Variants in GON4L observed in about 807,000 individuals in gnomAD.
GON4L encodes gon-4 like, also known as GON-4-like protein.
GON4L carries 87 observed loss-of-function variants against 211.8 expected under a neutral mutation model. The observed-to-expected ratio is 0.41, with a 90% CI of 0.35 to 0.49. The LOEUF is 0.49. Ranked by LOEUF, GON4L falls within the 20% of genes least tolerant of loss-of-function variation. GON4L has a pLI of 0.15. For synonymous variants in GON4L, 875 were observed against 962.6 expected (o/e 0.91, Z 1.68); for missense variants, 2,155 against 2,659.5 (o/e 0.81, Z 4.17).
At chr1:155,816,771 C>CT (rs760816704) in intron 6 of GON4L, among the ~76,000 whole-genome samples, 536 of 17,586 alleles carry the variant, frequency 0.03, 7 homozygotes, top group East Asian at 0.042. Flanking sequence ...TTTTTTTTTT[C>CT]TTAAAAAAAA....
intron 20 of GON4L, 113 bp from the exon 21 acceptor site, chr1:155,766,822 G>T: frequency 6.6e-7 from 1 of 1,515,438 alleles, no homozygotes; most frequent in South Asian, 1.1e-5. Flanking sequence ...GAAGTGGGCA[G>T]ATCACTTGAG....
In GON4L at chr1:155,760,647, C is replaced by A. The variant is rs368736477; in HGVS notation, c.4912-6G>T. On this transcript the variant is annotated splice_region_variant and splice_polypyrimidine_tract_variant and intron_variant, in intron 23 of 31. Transcript: ENST00000368331. ...TGTTGTAGGGCTTCTCGCACCTACA[C>A]GGGAAGACTTTCAATCATCAACACC... 39 of 1,595,416 alleles carry A rather than the reference C, an allele frequency of 2.4e-5. No homozygotes were observed. Among genetic ancestry groups the A allele is most frequent in the Non-Finnish European group, 3.0e-5 (35 of 1,163,212 alleles).
intron 8 of GON4L, among the ~76,000 whole-genome samples, chr1:155,815,555 A>T (rs1668164350): frequency 6.6e-6 from 1 of 152,086 alleles, no homozygotes; most frequent in African/African-American, 2.4e-5. Flanking sequence ...CTTTGCTATG[A>T]GTTTCATGAG....
intron 2 of GON4L, 69 bp downstream of exon 2, chr1:155,853,207 G>A: frequency 8.0e-7 from 1 of 1,245,738 alleles, no homozygotes; most frequent in Non-Finnish European, 1.2e-6. Context: ...ACTCTGTAAA[G>A]GTATCCAGAA....
downstream of GON4L, among the ~76,000 whole-genome samples, chr1:155,745,266 A>G (rs751016890): frequency 6.6e-6 from 1 of 152,254 alleles, no homozygotes; most frequent in Non-Finnish European, 1.5e-5. Flanking sequence ...CTATTTACAT[A>G]AAGTGTTACA....
chr1:155,830,617 C>T (rs996166287), intron 2 of GON4L, among the ~76,000 whole-genome samples: 4 of 151,980 alleles, frequency 2.6e-5, no homozygotes, highest in African/African-American at 9.7e-5. Flanking sequence ...GACAGGGTCT[C>T]GCTCTGTCCC....
At position 155,820,577 on chromosome 1, in the gene GON4L, A is replaced by C. The variant is rs756498593; in HGVS notation, c.1014+29T>G. 6 of 1,547,262 alleles carry C rather than the reference A, an allele frequency of 3.9e-6. No homozygotes were observed. In the African/African-American group the frequency reaches 6.8e-5, roughly 18 times the overall value. The stretch of plus-strand genomic sequence containing the variant: ...GATCCTATTCACCAAGCTAAAAAAA[A>C]ACCAACAACAAAAAAACAGAATACT... On this transcript the variant is annotated intron_variant, in intron 6 of 31. Coordinates refer to ENST00000368331, the MANE Select transcript of GON4L (RefSeq NM_001282860.2).
chr1:155,759,947 T>C (rs549390534), intron 24 of GON4L, among the ~76,000 whole-genome samples: 31 of 145,690 alleles, frequency 2.1e-4, no homozygotes, highest in Admixed American at 4.8e-4. Flanking sequence ...TTTATTTTTA[T>C]AATTTATATT....
At chr1:155,822,553 A>T in intron 3 of GON4L, 77 bp from the exon 4 acceptor site, 1 of 1,036,472 alleles carries the variant, frequency 9.6e-7, no homozygotes, top group Non-Finnish European at 1.5e-6. Context: ...CCAACAGTAA[A>T]GTGGATAAAT....
rs189817490 is a variant in GON4L at position 155,750,351 on chromosome 1, G to A, written c.*233C>T. The A allele has an allele frequency of 7.9e-4, 514 of 654,726 alleles. No homozygotes were observed. Among genetic ancestry groups the A allele is most frequent in the Non-Finnish European group, 1.0e-3 (377 of 375,884 alleles). The allele number at this position is 654,726 out of a possible 1,614,324, so 40.6% of individuals were successfully genotyped here. On this transcript the variant is annotated 3_prime_UTR_variant, in exon 32 of 32. Transcript: ENST00000368331. ...GAGAAAGGAGCTGAACTCCACTCTCGATGCTATTTACAGAGGACATCTGTA... is the reference window on the plus strand; with the variant it reads ...GAGAAAGGAGCTGAACTCCACTCTCAATGCTATTTACAGAGGACATCTGTA...
rs575654678 is a variant in GON4L, at chr1:155,841,233, C to T, written c.505+12043G>A. 2.7e-4 allele frequency among the ~76,000 whole-genome samples: 41 copies of T among 152,214 alleles called. No individual in the cohort carries two copies. In the East Asian group the frequency reaches 6.2e-3, roughly 23 times the overall value. On this transcript the variant is annotated intron_variant, in intron 2 of 31. Transcript: ENST00000368331. ...TATGACTTTTTTGTTTGAAACATTGCTAATTCTTTATGTGTTGTTTTATCT... is the reference window on the plus strand; with the variant it reads ...TATGACTTTTTTGTTTGAAACATTGTTAATTCTTTATGTGTTGTTTTATCT...
intron 27 of GON4L, 96 bp downstream of exon 27, chr1:155,756,862 G>A: frequency 1.2e-6 from 1 of 834,644 alleles, no homozygotes; most frequent in Non-Finnish European, 2.0e-6. Flanking sequence ...CTGGGAGGTG[G>A]AGGTTGCAGT....
downstream of GON4L, among the ~76,000 whole-genome samples, chr1:155,745,418 C>T (rs1285551531): frequency 1.3e-5 from 2 of 152,252 alleles, no homozygotes; most frequent in Admixed American, 6.5e-5. Context: ...AGCGGAGCTT[C>T]CGCTATTCTG....
In GON4L at chr1:155,767,984, GA is replaced by G. The variant is rs549935730; in HGVS notation, c.2647-444del. On this transcript the variant is annotated intron_variant, in intron 19 of 31. Coordinates refer to ENST00000368331, the MANE Select transcript of GON4L (RefSeq NM_001282860.2). ...TGAAAGGCATTAGAAGAGAAGGGGG[GA>G]AAAAAAGAGCCTGAGAAAGTTCAAT... 2.2e-3 allele frequency among the ~76,000 whole-genome samples: 336 copies of G among 151,968 alleles called. 2 individuals are homozygous for G. Among genetic ancestry groups the G allele is most frequent in the Non-Finnish European group, 3.7e-3 (252 of 67,974 alleles).
chr1:155,814,044 A>G (rs1668021791), intron 9 of GON4L, among the ~76,000 whole-genome samples: 1 of 152,248 alleles, frequency 6.6e-6, no homozygotes, highest in Non-Finnish European at 1.5e-5. Context: ...TGGGAAATTA[A>G]TAACAATGGC....
chr1:155,765,293 G>C lies in GON4L; in HGVS notation c.4180C>G (p.Gln1394Glu). 6.2e-7 allele frequency: 1 copy of C among 1,614,152 alleles called. No homozygotes were observed. Among genetic ancestry groups the C allele is most frequent in the African/African-American group, 1.3e-5 (1 of 75,048 alleles). The change falls in exon 21 of 32, where the codon CAA becomes GAA. Residue 1394 changes from glutamine to glutamate, a missense_variant. Transcript: ENST00000368331. ...SQPTKTPSSS[Q>E]EPPDEGTSGT... ...GAGGTTCCTTCATCAGGGGGCTCTT[G>C]AGAAGATGAAGGGGTTTTAGTTGGC...
intron 2 of GON4L, among the ~76,000 whole-genome samples, chr1:155,842,039 G>C (rs913139834): frequency 1.3e-5 from 2 of 150,112 alleles, no homozygotes; most frequent in Non-Finnish European, 3.0e-5. Context: ...AAAAAAAAAA[G>C]AAACTTGAAA....
rs778200339 is a variant in GON4L, at chr1:155,826,866, A to C, written c.668T>G (p.Ile223Arg). ...RTLFHQPEEE[I>R]EDGGLFIPME... ...TGGAATGAAGAGTCCACCATCTTCT[A>C]TCTCTTCCTCAGGTTGGTGAAACAG... The change falls in exon 3 of 32, where the codon ATA becomes AGA. Residue 223 changes from isoleucine to arginine, a missense_variant. Ile to Arg is a moderately conservative substitution (Grantham distance 97). Transcript: ENST00000368331. 3 of 1,612,614 alleles carry C rather than the reference A, an allele frequency of 1.9e-6. No homozygotes were observed. The highest frequency in any genetic ancestry group is 3.3e-5 in the Admixed American group (2 of 60,024).
intron 2 of GON4L, among the ~76,000 whole-genome samples, chr1:155,845,012 G>A (rs765723769): frequency 1.3e-5 from 2 of 152,158 alleles, no homozygotes; most frequent in Non-Finnish European, 2.9e-5. Flanking sequence ...CCAGTGCTAG[G>A]CAGGGCCAAT....
Sources: gnomAD v4.1 joint callset for allele counts (sites outside exome capture counted in the v4.1 genomes callset) on GRCh38, gnomAD v4.1.1 for gene constraint, MANE v1.5 for transcripts, NCBI Gene and HGNC (gene_info 2026-07-23, HGNC 2026-07-21) for gene names.